Variants in DNAJC1 observed in about 807,000 individuals in gnomAD.
DNAJC1 encodes DnaJ heat shock protein family (Hsp40) member C1.
DNAJC1 carries 58 observed loss-of-function variants against 76.6 expected under a neutral mutation model. That is an observed-to-expected ratio of 0.76 (90% CI 0.61 to 0.94). The LOEUF (loss-of-function observed/expected upper bound fraction) is 0.94, where lower values mean the gene tolerates loss of function less well. DNAJC1 is among the 40% of genes least tolerant of loss of function. The probability of loss-of-function intolerance (pLI) is 0.00; values close to 1 mark genes in which losing one functional copy is unlikely to be tolerated. For missense variants in DNAJC1, 689 were observed against 677.3 expected (o/e 1.02, Z -0.19); for synonymous variants, 258 against 267.9 (o/e 0.96, Z 0.36).
intron 8 of DNAJC1, among the ~76,000 whole-genome samples, chr10:21,851,240 G>A (rs915353933): frequency 6.6e-6 from 1 of 152,088 alleles, no homozygotes; most frequent in Non-Finnish European, 1.5e-5. Flanking sequence ...TTTACAATTC[G>A]TATATCTGAT....
chr10:21,920,643 C>A (rs1837027049), intron 4 of DNAJC1, 155 bp downstream of exon 4: 3 of 612,340 alleles, frequency 4.9e-6, no homozygotes, highest in Non-Finnish European at 7.3e-6. Flanking sequence ...ATGGGTTCTT[C>A]TTGACTTAGA....
intron 1 of DNAJC1, among the ~76,000 whole-genome samples, chr10:21,940,972 C>T (rs1010307818): frequency 9.2e-5 from 14 of 151,772 alleles, no homozygotes; most frequent in Admixed American, 5.9e-4. Flanking sequence ...GAACAACTGG[C>T]CAGGCGCGGT....
chr10:21,932,870 G>A (rs773080799), intron 1 of DNAJC1, among the ~76,000 whole-genome samples: 1 of 152,156 alleles, frequency 6.6e-6, no homozygotes, highest in Non-Finnish European at 1.5e-5. Context: ...AAAGTGCTGG[G>A]ATTACAGGCA....
chr10:21,878,006 C>G (rs1361833236), intron 8 of DNAJC1, among the ~76,000 whole-genome samples: 1 of 152,146 alleles, frequency 6.6e-6, no homozygotes, highest in Non-Finnish European at 1.5e-5. Flanking sequence ...TATCAATACC[C>G]TAAGTTCACG....
intron 5 of DNAJC1, 58 bp downstream of exon 5, chr10:21,919,774 T>A: frequency 8.5e-7 from 1 of 1,182,550 alleles, no homozygotes; most frequent in East Asian, 2.3e-5. Context: ...AGTTGAATCA[T>A]ATTAAAGATG....
chr10:21,831,425 C>A (rs906818888), intron 8 of DNAJC1, among the ~76,000 whole-genome samples: 1 of 152,104 alleles, frequency 6.6e-6, no homozygotes, highest in South Asian at 2.1e-4. Context: ...GTTACTGGTA[C>A]CAAAACTAGA....
chr10:21,932,850 T>C (rs1002789656), intron 1 of DNAJC1, among the ~76,000 whole-genome samples: 1 of 152,192 alleles, frequency 6.6e-6, no homozygotes, highest in African/African-American at 2.4e-5. Flanking sequence ...CTCAAACTCC[T>C]TGGCCTCCCA....
At chr10:21,819,883 T>C (rs1480633892) in intron 8 of DNAJC1, among the ~76,000 whole-genome samples, 1 of 152,162 alleles carries the variant, frequency 6.6e-6, no homozygotes, top group East Asian at 1.9e-4. Flanking sequence ...CGAGCTGAGA[T>C]CACGCCACTG....
At chr10:21,780,548 G>A (rs1834514250) in intron 9 of DNAJC1, among the ~76,000 whole-genome samples, 1 of 152,194 alleles carries the variant, frequency 6.6e-6, no homozygotes, top group African/African-American at 2.4e-5. Context: ...CAAATGCTGA[G>A]AGATTTTGTC....
At chr10:21,966,593 C>G (rs1048495450) in intron 1 of DNAJC1, among the ~76,000 whole-genome samples, 2 of 151,752 alleles carry the variant, frequency 1.3e-5, no homozygotes, top group South Asian at 4.2e-4. Context: ...CCCTTACTAT[C>G]GTCATTCTGT....
rs780745923 is a variant in DNAJC1 at position 21,920,781 on chromosome 10, T to G, written c.537+17A>C. ...AATTAAGGAGGCTAGTTCATTTGAT[T>G]TATTACTAACACTTACCAGTTGTTT... On this transcript the variant is annotated intron_variant, in intron 4 of 11. Transcript: ENST00000376980. 28 of 1,581,532 alleles carry G rather than the reference T, an allele frequency of 1.8e-5. No homozygotes were observed. In the South Asian group the frequency reaches 3.0e-4, roughly 17 times the overall value.
intron 1 of DNAJC1, among the ~76,000 whole-genome samples, chr10:21,989,629 G>A (rs1257094604): frequency 6.6e-6 from 1 of 152,204 alleles, no homozygotes; most frequent in African/African-American, 2.4e-5. Context: ...GCGAAAGTGA[G>A]AAGGACACTG....
intron 9 of DNAJC1, among the ~76,000 whole-genome samples, chr10:21,804,838 C>T (rs749511948): frequency 5.3e-5 from 8 of 151,862 alleles, no homozygotes; most frequent in Non-Finnish European, 1.0e-4. Context: ...AAAGCAGGTC[C>T]ATTGCAAAAA....
Position 21,991,773 on chromosome 10 carries a change from A to AT in DNAJC1, c.222+11439dup, listed in dbSNP as rs1838329593. Among the ~76,000 whole-genome samples the AT allele has an allele frequency of 7.2e-5, 11 of 152,220 alleles. 1 individual carries two copies. The South Asian group carries it at 2.3e-3, about 31-fold the overall frequency. ...GTGCCAGTACAAATGAGAAACCAAA[A>AT]TTTTAATTAATTTATATTTAAATTG... On this transcript the variant is annotated intron_variant, in intron 1 of 11. Transcript: ENST00000376980.
intron 8 of DNAJC1, among the ~76,000 whole-genome samples, chr10:21,846,626 G>A (rs894658082): frequency 1.3e-5 from 2 of 152,010 alleles, no homozygotes; most frequent in Admixed American, 1.3e-4. Context: ...AGGTATAAAA[G>A]CAAATTAAAT....
At chr10:21,910,946 AAAG>A (rs892646665) in intron 6 of DNAJC1, among the ~76,000 whole-genome samples, 11 of 148,750 alleles carry the variant, frequency 7.4e-5, no homozygotes, top group Non-Finnish European at 1.3e-4. Flanking sequence ...AGAAAGAGAC[AAAG>A]AAGAGAGAGA....
intron 3 of DNAJC1, among the ~76,000 whole-genome samples, chr10:21,924,425 C>A: frequency 6.6e-6 from 1 of 151,956 alleles, no homozygotes; most frequent in Non-Finnish European, 1.5e-5. Flanking sequence ...TAAAGTTGCA[C>A]AACTGGGTTA....
At chr10:21,983,188 A>G (rs1172732057) in intron 1 of DNAJC1, among the ~76,000 whole-genome samples, 1 of 152,228 alleles carries the variant, frequency 6.6e-6, no homozygotes, top group Non-Finnish European at 1.5e-5. Flanking sequence ...CATTATTCAC[A>G]ATAGCCAAAG....
At chr10:21,756,826 C>T in intron 11 of DNAJC1, 71 bp from the exon 12 acceptor site, 2 of 1,392,854 alleles carry the variant, frequency 1.4e-6, no homozygotes, top group Non-Finnish European at 2.0e-6. Context: ...TGTGGCCGGT[C>T]TGCTGGCTTC....
Sources: allele counts gnomAD v4.1 joint callset (sites outside exome capture counted in the v4.1 genomes callset), GRCh38; gene constraint gnomAD v4.1.1; transcripts MANE v1.5; gene names NCBI Gene and HGNC (gene_info 2026-07-23, HGNC 2026-07-21).